The following FGGY variants were observed in gnomAD, a reference collection of about 807,000 sequenced individuals.
FGGY encodes the protein FGGY carbohydrate kinase domain containing.
FGGY carries 72 observed loss-of-function variants against 71.3 expected under a neutral mutation model. The ratio of observed to expected loss-of-function variants is 1.01; its 90% CI spans 0.84 to 1.23. The LOEUF (loss-of-function observed/expected upper bound fraction) is 1.23, where lower values mean the gene tolerates loss of function less well. FGGY is among the 50% of genes most tolerant of loss of function. FGGY has a pLI of 0.00. For synonymous variants in FGGY, 251 were observed against 250.3 expected, an observed-to-expected ratio of 1.00 and a Z score of -0.02; for missense variants, 668 against 682.3, an observed-to-expected ratio of 0.98 and a Z score of 0.23.
rs115453261 is a variant in FGGY at position 59,700,483 on chromosome 1, T to A, written c.1512+26350T>A. On this transcript the variant is annotated intron_variant, in intron 14 of 15. Transcript: ENST00000303721. ...AAGGAAACTTCAACAAAGTAGTGCATGAGCTTATCACAGGTCGTGTGCAAT... is the reference window on the plus strand; with the variant it reads ...AAGGAAACTTCAACAAAGTAGTGCAAGAGCTTATCACAGGTCGTGTGCAAT... 6.4e-3 allele frequency among the ~76,000 whole-genome samples: 979 copies of A among 152,280 alleles called. 11 individuals are homozygous for A. Among genetic ancestry groups the A allele is most frequent in the African/African-American group, 0.023 (943 of 41,568 alleles).
At chr1:59,473,199 A>C (rs1334309886) in intron 6 of FGGY, among the ~76,000 whole-genome samples, 1 of 152,126 alleles carries the variant, frequency 6.6e-6, no homozygotes, top group East Asian at 1.9e-4. Context: ...ACTCACTGCA[A>C]AGGTCTGCAG....
chr1:59,701,342 A>G (rs1252138722), intron 14 of FGGY, among the ~76,000 whole-genome samples: 1 of 152,092 alleles, frequency 6.6e-6, no homozygotes, highest in African/African-American at 2.4e-5. Context: ...CTCTTTTTTT[A>G]TGTCTGCCTC....
intron 2 of FGGY, among the ~76,000 whole-genome samples, chr1:59,336,123 CAT>C (rs1415029351): frequency 6.6e-6 from 1 of 152,038 alleles, no homozygotes; most frequent in Non-Finnish European, 1.5e-5. Context: ...TTTAGTCTTA[CAT>C]TTAGGGATGT....
At chr1:59,460,912 A>C (rs7513416) in intron 6 of FGGY, among the ~76,000 whole-genome samples, 7,801 of 152,232 alleles carry the variant, frequency 0.051, 675 homozygotes, top group African/African-American at 0.18. Flanking sequence ...GACATCCACA[A>C]CAAAACCATC....
intron 8 of FGGY, among the ~76,000 whole-genome samples, chr1:59,564,025 A>T (rs1168841231): frequency 6.6e-6 from 1 of 152,216 alleles, no homozygotes; most frequent in Non-Finnish European, 1.5e-5. Flanking sequence ...CTTACACCTT[A>T]TACAAAAATT....
At chr1:59,368,010 T>C (rs1006988126) in intron 4 of FGGY, among the ~76,000 whole-genome samples, 1 of 152,228 alleles carries the variant, frequency 6.6e-6, no homozygotes, top group Non-Finnish European at 1.5e-5. Flanking sequence ...CCAAGTCATA[T>C]AACCCAAATC....
At chr1:59,457,611 T>C (rs1482544400) in intron 6 of FGGY, among the ~76,000 whole-genome samples, 1 of 151,308 alleles carries the variant, frequency 6.6e-6, no homozygotes, top group Non-Finnish European at 1.5e-5. Context: ...AGCAGAACTC[T>C]GTTTTGAGGG....
chr1:59,529,271 C>G (rs1020686455), intron 7 of FGGY, among the ~76,000 whole-genome samples: 2 of 152,126 alleles, frequency 1.3e-5, no homozygotes, highest in Non-Finnish European at 2.9e-5. Context: ...AAAGAAAAGA[C>G]AAAAATACTA....
chr1:59,692,125 A>G (rs2154003314), intron 14 of FGGY, among the ~76,000 whole-genome samples: 1 of 152,356 alleles, frequency 6.6e-6, no homozygotes, highest in East Asian at 1.9e-4. Flanking sequence ...TCTTGGGTTA[A>G]GTGCTATAAA....
At chr1:59,609,702 G>A (rs1465408535) in intron 9 of FGGY, among the ~76,000 whole-genome samples, 1 of 152,206 alleles carries the variant, frequency 6.6e-6, no homozygotes, top group African/African-American at 2.4e-5. Context: ...AAAGCTGGAT[G>A]TATATGCAAA....
chr1:59,697,575 G>T, intron 14 of FGGY: 1 of 800,296 alleles, frequency 1.2e-6, no homozygotes, highest in Non-Finnish European at 1.9e-6. Context: ...CTTGTTCTCT[G>T]TGATCTGCTG....
chr1:59,490,330 G>T (rs996986221), intron 6 of FGGY, among the ~76,000 whole-genome samples: 3 of 152,150 alleles, frequency 2.0e-5, no homozygotes, highest in African/African-American at 7.2e-5. Flanking sequence ...GATTACAGGC[G>T]TGAGTCACCA....
chr1:59,299,297 A>T (rs1408413875), intron 1 of FGGY, among the ~76,000 whole-genome samples: 2 of 152,132 alleles, frequency 1.3e-5, no homozygotes, highest in African/African-American at 4.8e-5. Flanking sequence ...AAATCACCTG[A>T]CAGGAGGCTG....
At chr1:59,422,740 T>C (rs947236859) in intron 5 of FGGY, among the ~76,000 whole-genome samples, 25 of 151,228 alleles carry the variant, frequency 1.7e-4, no homozygotes, top group Admixed American at 7.2e-4. Flanking sequence ...AGACCTTCCA[T>C]ATAGCAGTTA....
chr1:59,506,340 T>TA (rs11383783), intron 6 of FGGY, among the ~76,000 whole-genome samples: 56,081 of 149,890 alleles, frequency 0.37, 11,167 homozygotes, highest in African/African-American at 0.52. Flanking sequence ...TCCTTTTCTT[T>TA]AAAAAAAAAA....
At chr1:59,341,266 T>C (rs1252594346) in intron 3 of FGGY, among the ~76,000 whole-genome samples, 1 of 152,216 alleles carries the variant, frequency 6.6e-6, no homozygotes, top group African/African-American at 2.4e-5. Context: ...CTTAAAATGC[T>C]CAGAAAAGTT....
intron 6 of FGGY, among the ~76,000 whole-genome samples, chr1:59,463,001 A>G (rs1389541137): frequency 6.6e-6 from 1 of 152,128 alleles, no homozygotes; most frequent in Non-Finnish European, 1.5e-5. Flanking sequence ...ATAAAGACAC[A>G]TGCACACGTA....
chr1:59,531,767 A>G (rs2095151087), intron 7 of FGGY, among the ~76,000 whole-genome samples: 1 of 152,214 alleles, frequency 6.6e-6, no homozygotes, highest in Non-Finnish European at 1.5e-5. Context: ...TAAATCCTCT[A>G]GGTGTTATTT....
chr1:59,587,737 C>T (rs2096334920), intron 8 of FGGY, among the ~76,000 whole-genome samples: 1 of 152,196 alleles, frequency 6.6e-6, no homozygotes, highest in Admixed American at 6.5e-5. Context: ...GCTGAGGGTC[C>T]TGTCTGTTAG....
Sources: allele counts gnomAD v4.1 joint callset (sites outside exome capture counted in the v4.1 genomes callset), GRCh38; gene constraint gnomAD v4.1.1; transcripts MANE v1.5; gene names NCBI Gene and HGNC (gene_info 2026-07-23, HGNC 2026-07-21).